UBTF: variants seen among roughly 807,000 people sequenced by gnomAD.
The protein encoded by UBTF is upstream binding transcription factor.
In UBTF, 8 loss-of-function variants were observed where a neutral mutation model predicts 112.3. That is an observed-to-expected ratio of 0.07 (90% CI 0.04 to 0.13). The LOEUF (loss-of-function observed/expected upper bound fraction) is 0.13, where lower values mean the gene tolerates loss of function less well. Among genes scored for constraint, UBTF ranks in the 10% least tolerant of loss-of-function variants. The pLI is 1.00. For synonymous variants in UBTF, 417 were observed against 373.1 expected (o/e 1.12, Z -1.36); for missense variants, 457 against 982.1 (o/e 0.47, Z 7.15).
Position 44,218,241 on chromosome 17 carries a change from C to T in UBTF, c.-12G>A, listed in dbSNP as rs766472639. Reference sequence around the variant, plus strand: ...GCTTCTCCGTTCATCCTCCAGCTGTCCAGCCACCTCCTCGGTCGTGCTGGC... The same window carrying T: ...GCTTCTCCGTTCATCCTCCAGCTGTTCAGCCACCTCCTCGGTCGTGCTGGC... On this transcript the variant is annotated 5_prime_UTR_variant, in exon 2 of 21. Coordinates refer to ENST00000436088, the MANE Select transcript of UBTF (RefSeq NM_014233.4). The T allele has an allele frequency of 6.2e-7, 1 of 1,611,980 alleles. No homozygotes were observed. The highest frequency in any genetic ancestry group is 8.5e-7 in the Non-Finnish European group (1 of 1,179,622).
At chr17:44,216,398 G>A in intron 3 of UBTF, 131 bp downstream of exon 3, 1 of 1,084,864 alleles carries the variant, frequency 9.2e-7, no homozygotes, top group South Asian at 1.4e-5. Flanking sequence ...AAAGGGGCAG[G>A]TAGAGAGCTA....
rs146797528 is a variant in UBTF at position 44,207,142 on chromosome 17, C to T, written c.*100G>A. On this transcript the variant is annotated 3_prime_UTR_variant, in exon 21 of 21. Transcript: ENST00000436088. ...AAGAAAGAAAGAAAGTGGGGGAGGC[C>T]AGGGGGGCAAGGGACAGAACATGGG... 9.7e-5 allele frequency: 130 copies of T among 1,333,716 alleles called. No homozygotes were observed. The African/African-American group carries it at 1.7e-3, about 18-fold the overall frequency. The allele number at this position is 1,333,716 out of a possible 1,614,324, so 82.6% of individuals were successfully genotyped here. A position where few individuals can be genotyped will look rare whatever the true frequency, so the allele number is the denominator to read the frequency against.
chr17:44,216,481 C>T (rs750162482), intron 3 of UBTF, 48 bp downstream of exon 3: 69 of 1,594,224 alleles, frequency 4.3e-5, no homozygotes, highest in East Asian at 1.3e-4. Flanking sequence ...TCCCCCACCA[C>T]GCTGAGTGGG....
chr17:44,212,014 G>A lies in UBTF; in HGVS notation c.772-8C>T. 2 of 1,612,296 alleles carry A rather than the reference G, an allele frequency of 1.2e-6. No homozygotes were observed. The highest frequency in any genetic ancestry group is 1.7e-4 in the Middle Eastern group (1 of 6,058). Reference sequence around the variant, plus strand: ...ATAGTCTCTCATGATCTCCTGCAGAGCCAGGTGGGGGGACGGAGGGCAATG... The same window carrying A: ...ATAGTCTCTCATGATCTCCTGCAGAACCAGGTGGGGGGACGGAGGGCAATG... On this transcript the variant is annotated splice_region_variant and splice_polypyrimidine_tract_variant and intron_variant, in intron 8 of 20. Coordinates refer to ENST00000436088, the MANE Select transcript of UBTF (RefSeq NM_014233.4).
intron 5 of UBTF, among the ~76,000 whole-genome samples, chr17:44,214,456 C>T (rs541667840): frequency 7.9e-5 from 12 of 152,330 alleles, no homozygotes; most frequent in African/African-American, 2.9e-4. Flanking sequence ...TCTTGTGTCC[C>T]CCAGGACAGC....
chr17:44,208,141 C>T (rs182186695), intron 17 of UBTF, among the ~76,000 whole-genome samples: 3 of 136,724 alleles, frequency 2.2e-5, no homozygotes, highest in Non-Finnish European at 3.1e-5. Flanking sequence ...CTTGCTCTGT[C>T]ACCCAGGCTG....
intron 1 of UBTF, among the ~76,000 whole-genome samples, chr17:44,218,738 C>T (rs954350081): frequency 9.2e-5 from 14 of 151,680 alleles, no homozygotes; most frequent in Non-Finnish European, 1.9e-4. Context: ...TCTCCTCCTC[C>T]CGCCTCCCCC....
At chr17:44,212,477 C>A (rs1382262779) in intron 7 of UBTF, 23 bp from the exon 8 acceptor site, 1 of 1,504,080 alleles carries the variant, frequency 6.6e-7, no homozygotes, top group Non-Finnish European at 9.2e-7. Flanking sequence ...AGCCGTCAGA[C>A]ACGCACAGGC....
In UBTF at chr17:44,211,944, G is replaced by T. The variant is rs1204393045; in HGVS notation, c.834C>A (p.Thr278=). 1 of 1,613,884 alleles carries T rather than the reference G, an allele frequency of 6.2e-7. No homozygotes were observed. Among genetic ancestry groups the T allele is most frequent in the Non-Finnish European group, 8.5e-7 (1 of 1,180,008 alleles). Residue 278 remains threonine (T), a synonymous_variant, in exon 9 of 21, where the codon ACC becomes ACA. Coordinates refer to ENST00000436088, the MANE Select transcript of UBTF (RefSeq NM_014233.4). The surrounding 1 kb of genome is among the most constrained non-coding windows in gnomAD (Gnocchi z 4.9). ...GTTCGGCCTTGGTGAGGGTGGACTT[G>T]GTGATACCCTCCTCACTGATGTTCA... ...PELNISEEGI[T]KSTLTKAERQ... is the part of the protein sequence containing the mutation.
At position 44,205,189 on chromosome 17, in the gene UBTF, T is replaced by G. The variant is rs1347177561; in HGVS notation, c.*2053A>C. 3 of 152,578 alleles carry G rather than the reference T, an allele frequency of 2.0e-5. No individual in the cohort carries two copies. The highest frequency in any genetic ancestry group is 4.4e-5 in the Non-Finnish European group (3 of 68,024). 9.5% of individuals were successfully genotyped at this position (152,578 alleles called of 1,614,324 possible). A position where few individuals can be genotyped will look rare whatever the true frequency, so the allele number is the denominator to read the frequency against. On this transcript the variant is annotated 3_prime_UTR_variant, in exon 21 of 21. Coordinates refer to ENST00000436088, the MANE Select transcript of UBTF (RefSeq NM_014233.4). ...TTGTTGAATCCTACAAAACACTCCT[T>G]AAATATTAGAAAAGAAGTTGGGGGT...
In UBTF at chr17:44,210,775, C is replaced by G. The variant is rs754992923; in HGVS notation, c.1359+17G>C. On this transcript the variant is annotated intron_variant, in intron 13 of 20. Transcript: ENST00000436088. ...GCAGCCCCCCTGGGGGCACAGCGCT[C>G]CGCCAGGCAGCCTGACCTTCTTCTT... The G allele has an allele frequency of 2.6e-6, 4 of 1,555,920 alleles. No homozygotes were observed. The highest frequency in any genetic ancestry group is 2.4e-5 in the East Asian group (1 of 41,322).
At position 44,205,701 on chromosome 17, in the gene UBTF, G is replaced by C. The variant is rs1427839105; in HGVS notation, c.*1541C>G. On this transcript the variant is annotated 3_prime_UTR_variant, in exon 21 of 21. Transcript: ENST00000436088. The stretch of plus-strand genomic sequence containing the variant: ...GTTCCCGCTCTTCCCCCATTCCTTG[G>C]CTTTCATTCAGAGGGGGAAGGTGGA... The C allele has an allele frequency of 6.6e-6, 1 of 152,208 alleles. No homozygotes were observed. The highest frequency in any genetic ancestry group is 6.5e-5 in the Admixed American group (1 of 15,282). The allele number at this position is 152,208 out of a possible 1,614,324, so 9.4% of individuals were successfully genotyped here. A position where few individuals can be genotyped will look rare whatever the true frequency, so the allele number is the denominator to read the frequency against.
chr17:44,209,806 C>G (rs79767766), intron 15 of UBTF, 73 bp from the exon 16 acceptor site: 42,208 of 1,497,546 alleles, frequency 0.028, 786 homozygotes, highest in East Asian at 0.073. Context: ...CTCATGCCAT[C>G]AGCACCTTAG....
chr17:44,209,276 G>A, intron 17 of UBTF, 76 bp downstream of exon 17: 1 of 1,451,740 alleles, frequency 6.9e-7, no homozygotes, highest in Non-Finnish European at 9.2e-7. Flanking sequence ...ACAAGTGGGT[G>A]GATGGGCCAG....
chr17:44,212,226 G>T, intron 8 of UBTF, 118 bp downstream of exon 8: 1 of 876,902 alleles, frequency 1.1e-6, no homozygotes, highest in Non-Finnish European at 1.8e-6. Flanking sequence ...GGCCCAGAAG[G>T]CCCCTCCCTC....
At position 44,216,540 on chromosome 17, in the gene UBTF, T is replaced by G. The variant is rs1231472868; in HGVS notation, c.223A>C (p.Ile75Leu). ...GDMCKLKWVE[I>L]SNEVRKFRTL... Reference sequence around the variant, plus strand: ...GGGGGATCAGTTACCTCATTAGAAATCTCCACCCATTTGAGCTTGCACATG... The same window carrying G: ...GGGGGATCAGTTACCTCATTAGAAAGCTCCACCCATTTGAGCTTGCACATG... Residue 75 changes from isoleucine to leucine, a missense_variant, in exon 3 of 21, where the codon ATT (isoleucine) becomes CTT (leucine). By Grantham distance (5) the Ile-to-Leu change is conservative. Transcript: ENST00000436088. The G allele has an allele frequency of 6.2e-7, 1 of 1,614,158 alleles. No individual in the cohort carries two copies. The highest frequency in any genetic ancestry group is 1.7e-5 in the Admixed American group (1 of 60,028).
intron 15 of UBTF, 129 bp downstream of exon 15, chr17:44,209,995 G>T (rs2056548257): frequency 8.9e-6 from 9 of 1,007,388 alleles, no homozygotes; most frequent in Non-Finnish European, 1.4e-5. Flanking sequence ...AGAGACAGAG[G>T]TTCAGAGAAG....
Position 44,218,215 on chromosome 17 carries a change from G to A in UBTF, c.15C>T (p.Ala5=), listed in dbSNP as rs373082224. Residue 5 remains alanine (A), a synonymous_variant, in exon 2 of 21, where the codon GCC becomes GCT. Coordinates refer to ENST00000436088, the MANE Select transcript of UBTF (RefSeq NM_014233.4). ...CCATTTCCAGGTCTGTGGGGCAGTC[G>A]GCTTCTCCGTTCATCCTCCAGCTGT... MNGE[A]DCPTDLEMAA... The A allele has an allele frequency of 1.9e-6, 3 of 1,612,110 alleles. No homozygotes were observed. The highest frequency in any genetic ancestry group is 3.4e-5 in the Admixed American group (2 of 59,660).
At chr17:44,212,753 CTG>C in intron 7 of UBTF, 64 bp downstream of exon 7, 1 of 1,595,862 alleles carries the variant, frequency 6.3e-7, no homozygotes, top group Non-Finnish European at 8.5e-7. Flanking sequence ...CCCGGCCGAC[CTG>C]GCGCGGCTCC....
Sources: gnomAD v4.1 joint callset for allele counts (sites outside exome capture counted in the v4.1 genomes callset) on GRCh38, gnomAD v4.1.1 for gene constraint, Gnocchi (gnomAD v3.1) non-coding constraint, MANE v1.5 for transcripts, NCBI Gene and HGNC (gene_info 2026-07-23, HGNC 2026-07-21) for gene names.